Variants in DMD observed in about 807,000 individuals in gnomAD.
DMD encodes dystrophin, also known as mutant dystrophin.
In DMD, 63 loss-of-function variants were observed where a neutral mutation model predicts 330.1. The ratio of observed to expected loss-of-function variants is 0.19; its 90% CI spans 0.16 to 0.24. The LOEUF (loss-of-function observed/expected upper bound fraction) is 0.24, where lower values mean the gene tolerates loss of function less well. Among genes scored for constraint, DMD ranks in the 10% least tolerant of loss-of-function variants. The pLI, the probability that DMD is intolerant of heterozygous loss-of-function variation, is 1.00. For synonymous variants in DMD, 1,223 were observed against 959.8 expected (o/e 1.27, Z -5.07); for missense variants, 3,344 against 2,684.1 (o/e 1.25, Z -5.43).
At chrX:31,379,446 A>G (rs59081247) in intron 60 of DMD, among the ~76,000 whole-genome samples, 10,498 of 111,298 alleles carry the variant, frequency 0.094, 1,244 homozygotes, top group African/African-American at 0.32. Flanking sequence ...TCGTTTGGCA[A>G]CAACCCTGAG....
chrX:32,789,419 T>C (rs1047650698), intron 7 of DMD, among the ~76,000 whole-genome samples: 5 of 111,990 alleles, frequency 4.5e-5, no homozygotes, highest in African/African-American at 9.7e-5. Flanking sequence ...AATTGTTCCA[T>C]TGTAGTTGTT....
At chrX:32,087,000 C>T (rs1452540832) in intron 44 of DMD, among the ~76,000 whole-genome samples, 2 of 111,897 alleles carry the variant, frequency 1.8e-5, no homozygotes, top group African/African-American at 6.5e-5. Context: ...AGTCTACACA[C>T]TGTTAAGGTT....
At chrX:33,282,053 C>T (rs145949087) in intron 1 of DMD, among the ~76,000 whole-genome samples, 2,177 of 110,361 alleles carry the variant, frequency 0.02, 47 homozygotes, top group African/African-American at 0.068. Flanking sequence ...ATGGCCATAG[C>T]GTCCAACGGG....
intron 2 of DMD, among the ~76,000 whole-genome samples, chrX:32,925,145 G>GT (rs777224221): frequency 0.083 from 4,028 of 48,517 alleles, 377 homozygotes; most frequent in Non-Finnish European, 0.11. Flanking sequence ...AAAACTCTGG[G>GT]TTTTTTTTTT....
At chrX:32,330,710 G>C (rs973947506) in intron 41 of DMD, among the ~76,000 whole-genome samples, 2 of 110,607 alleles carry the variant, frequency 1.8e-5, no homozygotes, top group African/African-American at 6.6e-5. Flanking sequence ...CTATGGATTT[G>C]CCAATGGTAT....
chrX:32,247,131 A>T (rs1250023189), intron 43 of DMD, among the ~76,000 whole-genome samples: 1 of 111,727 alleles, frequency 9.0e-6, no homozygotes, highest in Non-Finnish European at 1.9e-5. Flanking sequence ...TACATCATGA[A>T]AATCTTCAAA....
intron 2 of DMD, among the ~76,000 whole-genome samples, chrX:32,949,251 TACACACACACAC>T (rs10587318): frequency 0.078 from 7,000 of 89,530 alleles, 255 homozygotes; most frequent in East Asian, 0.17. Context: ...AATCGTTACA[TACACACACACAC>T]ACACACACAC....
At chrX:32,456,836 T>C in intron 25 of DMD, among the ~76,000 whole-genome samples, 1 of 107,134 alleles carries the variant, frequency 9.3e-6, no homozygotes. Flanking sequence ...TAGACTGGGG[T>C]ATACATCAGG....
chrX:31,587,215 A>G (rs779528452), intron 55 of DMD, among the ~76,000 whole-genome samples: 2 of 111,967 alleles, frequency 1.8e-5, no homozygotes, highest in East Asian at 5.6e-4. Context: ...TTCGAAGGAA[A>G]CACAATTTCA....
rs182207204 is a variant in DMD, at chrX:32,027,644, A to T, written c.6439-59130T>A. On this transcript the variant is annotated intron_variant, in intron 44 of 78. Transcript: ENST00000357033. ...CTGTGGAGTCCCTTGAACTTGAGAG[A>T]TCCCTCAGATTACCGTGGCAGCCTC... Among the ~76,000 whole-genome samples, 52 of 111,995 alleles carry T rather than the reference A, an allele frequency of 4.6e-4. 2 individuals carry two copies. The highest frequency in any genetic ancestry group is 4.5e-3 in the Admixed American group (47 of 10,546).
intron 50 of DMD, among the ~76,000 whole-genome samples, chrX:31,788,061 T>C (rs1040039604): frequency 3.6e-5 from 4 of 112,411 alleles, no homozygotes; most frequent in Admixed American, 2.8e-4. Context: ...AATTATGCTA[T>C]TGAAATAACA....
chrX:31,414,930 CA>C (rs1231544387), intron 60 of DMD, among the ~76,000 whole-genome samples: 1 of 112,485 alleles, frequency 8.9e-6, no homozygotes, highest in East Asian at 2.8e-4. Flanking sequence ...GGTTTTCTAC[CA>C]GCAAAAGACA....
intron 59 of DMD, among the ~76,000 whole-genome samples, chrX:31,449,597 T>C (rs1034654629): frequency 2.8e-5 from 3 of 107,273 alleles, no homozygotes; most frequent in African/African-American, 3.4e-5. Flanking sequence ...AAATGAAGCT[T>C]GTAGATGGAG....
intron 44 of DMD, among the ~76,000 whole-genome samples, chrX:32,138,550 T>C (rs1476597975): frequency 8.9e-6 from 1 of 112,309 alleles, no homozygotes; most frequent in African/African-American, 3.2e-5. Flanking sequence ...TTGCATCATT[T>C]ATTACTTTAT....
rs753288810 is a variant in DMD, at chrX:33,328,111, G to A, written c.7+11148C>T. On this transcript the variant is annotated intron_variant, in intron 1 of 17. Coordinates refer to the DMD transcript ENST00000288447. ...GAACATCCAAGTAATAAGAATAAAT[G>A]TGAAAAGAAACTGAATATAATAATA... is the stretch of plus-strand genomic sequence containing the variant. 3.6e-5 allele frequency among the ~76,000 whole-genome samples: 4 copies of A among 111,792 alleles called. No homozygotes were observed. In the South Asian group the frequency reaches 1.5e-3, roughly 41 times the overall value.
At chrX:32,219,958 TTTCTA>T (rs2097126700) in intron 43 of DMD, among the ~76,000 whole-genome samples, 3 of 13,176 alleles carry the variant, frequency 2.3e-4, no homozygotes, top group Non-Finnish European at 6.5e-4. Context: ...TATCTACAAG[TTTCTA>T]CAAGTTATCT....
chrX:32,728,605 G>A (rs1330946844), intron 7 of DMD, among the ~76,000 whole-genome samples: 1 of 112,121 alleles, frequency 8.9e-6, no homozygotes, highest in East Asian at 2.8e-4. Context: ...AACAAAGCTT[G>A]TCTTATCAGA....
intron 1 of DMD, among the ~76,000 whole-genome samples, chrX:33,281,730 C>A (rs2148922073): frequency 9.2e-6 from 1 of 109,180 alleles, no homozygotes; most frequent in Admixed American, 1.0e-4. Flanking sequence ...ATACGTAGTT[C>A]AATACACAGG....
chrX:33,321,192 A>C (rs1026442378), intron 1 of DMD, among the ~76,000 whole-genome samples: 1 of 111,580 alleles, frequency 9.0e-6, no homozygotes, highest in East Asian at 2.8e-4. Context: ...TCCTTACAGA[A>C]GGCTTTCAAT....
Sources: gnomAD v4.1 joint callset for allele counts (sites outside exome capture counted in the v4.1 genomes callset) on GRCh38, gnomAD v4.1.1 for gene constraint, MANE v1.5 for transcripts, NCBI Gene and HGNC (gene_info 2026-07-23, HGNC 2026-07-21) for gene names.